The following FRZB variants were observed in gnomAD, a reference collection of about 807,000 sequenced individuals.
The protein encoded by FRZB is secreted frizzled-related protein 3.
Under a neutral mutation model 32.5 loss-of-function variants are expected in FRZB, and 34 were observed. That is an observed-to-expected ratio of 1.05 (90% CI 0.80 to 1.39). The LOEUF (loss-of-function observed/expected upper bound fraction) is 1.39. Ranked by LOEUF, FRZB falls within the 40% of genes most tolerant of loss-of-function variation. FRZB has a pLI of 0.00. For missense variants in FRZB, 423 were observed against 424.8 expected, an observed-to-expected ratio of 1.00 and a Z score of 0.04; for synonymous variants, 170 against 159.2, an observed-to-expected ratio of 1.07 and a Z score of -0.51.
In FRZB at chr2:182,862,436, T is replaced by G. The variant is rs576304994; in HGVS notation, c.479-3603A>C. On this transcript the variant is annotated intron_variant, in intron 1 of 5. Coordinates refer to ENST00000295113, the MANE Select transcript of FRZB (RefSeq NM_001463.4). ...CCTCCACCAGACTCATTCTTTTTTC[T>G]GTCGCTCCCAAGGGGATCTGCTCTT... is the stretch of plus-strand genomic sequence containing the variant. Among the ~76,000 whole-genome samples, 6 of 152,372 alleles carry G rather than the reference T, an allele frequency of 3.9e-5. 1 individual carries two copies. Among genetic ancestry groups the G allele is most frequent in the African/African-American group, 1.4e-4 (6 of 41,598 alleles).
At chr2:182,843,702 A>G (rs1470116358) in intron 2 of FRZB, among the ~76,000 whole-genome samples, 1 of 151,902 alleles carries the variant, frequency 6.6e-6, no homozygotes, top group Non-Finnish European at 1.5e-5. Context: ...ATGGTGGGGG[A>G]AAAAAAATTG....
At chr2:182,842,685 T>C (rs1420388458) in intron 2 of FRZB, 142 bp from the exon 3 acceptor site, 62 of 611,930 alleles carry the variant, frequency 1.0e-4, no homozygotes, top group Non-Finnish European at 2.3e-5. Flanking sequence ...GAATTTTTTC[T>C]CCTGGAACTA....
chr2:182,862,328 G>A (rs1294038077), intron 1 of FRZB, among the ~76,000 whole-genome samples: 2 of 152,206 alleles, frequency 1.3e-5, no homozygotes, highest in Non-Finnish European at 2.9e-5. Flanking sequence ...AGGTGTTGTG[G>A]AAATAGCTGT....
At chr2:182,839,048 T>C (rs1178914585) in intron 3 of FRZB, among the ~76,000 whole-genome samples, 1 of 152,134 alleles carries the variant, frequency 6.6e-6, no homozygotes, top group Non-Finnish European at 1.5e-5. Context: ...TACTTAAATA[T>C]GCTTTATTCC....
chr2:182,835,603 T>G (rs1695515989), intron 5 of FRZB, among the ~76,000 whole-genome samples: 1 of 152,108 alleles, frequency 6.6e-6, no homozygotes, highest in Admixed American at 6.6e-5. Context: ...ATTAACAATG[T>G]CAATAATATT....
chr2:182,850,818 C>T (rs1463421480), intron 2 of FRZB, among the ~76,000 whole-genome samples: 1 of 152,108 alleles, frequency 6.6e-6, no homozygotes, highest in African/African-American at 2.4e-5. Flanking sequence ...TCCTTAGTGG[C>T]TATACTAATT....
In FRZB at chr2:182,845,360, G is replaced by A. The variant is rs1695628605; in HGVS notation, c.527-2817C>T. Among the ~76,000 whole-genome samples, 4 of 152,184 alleles carry A rather than the reference G, an allele frequency of 2.6e-5. No homozygotes were observed. The South Asian group carries it at 8.3e-4, about 32-fold the overall frequency. On this transcript the variant is annotated intron_variant, in intron 2 of 5. Transcript: ENST00000295113. ...TGATACTCTTTTTGGGGGGCCTGTA[G>A]CATTACCATCATTTCTTGTTTAATT... is the stretch of plus-strand genomic sequence containing the variant.
chr2:182,841,568 A>T (rs940431652), intron 3 of FRZB, among the ~76,000 whole-genome samples: 2 of 152,144 alleles, frequency 1.3e-5, no homozygotes, highest in Non-Finnish European at 2.9e-5. Flanking sequence ...TTTTATTAAT[A>T]CCATAGATAT....
intron 1 of FRZB, among the ~76,000 whole-genome samples, chr2:182,864,606 T>C (rs1198248847): frequency 6.6e-6 from 1 of 152,252 alleles, no homozygotes; most frequent in East Asian, 1.9e-4. Context: ...AGGTCACCAT[T>C]AAAAAGTTCT....
intron 1 of FRZB, among the ~76,000 whole-genome samples, chr2:182,860,576 C>T (rs1279853710): frequency 6.6e-6 from 1 of 152,026 alleles, no homozygotes; most frequent in Non-Finnish European, 1.5e-5. Flanking sequence ...AGAATCAAGA[C>T]TGCTTCCCAC....
chr2:182,865,911 G>GC (rs967053380), intron 1 of FRZB, among the ~76,000 whole-genome samples, 164 bp downstream of exon 1: 24 of 151,978 alleles, frequency 1.6e-4, no homozygotes, highest in Admixed American at 7.9e-4. Flanking sequence ...TTTTGTTTTT[G>GC]AAAAAAGAAG....
At position 182,866,437 on chromosome 2, in the gene FRZB, C is replaced by T; in HGVS notation, c.116G>A (p.Arg39His). Residue 39 changes from arginine to histidine, a missense_variant, in exon 1 of 6, where the codon CGC (arginine) becomes CAC (histidine). Physicochemically the swap from Arg to His is conservative, Grantham distance 29 (BLOSUM62 0). Coordinates refer to ENST00000295113, the MANE Select transcript of FRZB (RefSeq NM_001463.4). This position sits in a 1 kb window ranked among gnomAD's most constrained non-coding sequence, Gnocchi z 4.5. ...GARAAACEPVRIPLCKSLPWN... is the reference protein window; with the variant it reads ...GARAAACEPVHIPLCKSLPWN... Reference sequence around the variant, plus strand: ...GGGCAGGGACTTGCACAGGGGGATGCGGACGGGCTCACAGGCTGCAGCCCG... The same window carrying T: ...GGGCAGGGACTTGCACAGGGGGATGTGGACGGGCTCACAGGCTGCAGCCCG... 2 of 1,591,194 alleles carry T rather than the reference C, an allele frequency of 1.3e-6. No homozygotes were observed. Among genetic ancestry groups the T allele is most frequent in the Non-Finnish European group, 1.7e-6 (2 of 1,166,954 alleles).
At chr2:182,863,961 A>G (rs1695861888) in intron 1 of FRZB, among the ~76,000 whole-genome samples, 1 of 152,176 alleles carries the variant, frequency 6.6e-6, no homozygotes, top group South Asian at 2.1e-4. Flanking sequence ...ACTGAAGCTT[A>G]TGGAAGGGAG....
intron 1 of FRZB, among the ~76,000 whole-genome samples, chr2:182,861,221 G>A (rs1276804723): frequency 6.6e-6 from 1 of 152,230 alleles, no homozygotes; most frequent in Non-Finnish European, 1.5e-5. Flanking sequence ...TCTCTAGAAA[G>A]TTAGGAATTA....
chr2:182,839,398 C>T (rs1393975897), intron 3 of FRZB, among the ~76,000 whole-genome samples: 1 of 152,004 alleles, frequency 6.6e-6, no homozygotes, highest in Admixed American at 6.6e-5. Flanking sequence ...GATCTTATTT[C>T]CTCCATCTGC....
intron 2 of FRZB, among the ~76,000 whole-genome samples, chr2:182,845,562 G>GA (rs35926697): frequency 1.1e-4 from 16 of 150,470 alleles, no homozygotes; most frequent in East Asian, 1.9e-4. Flanking sequence ...TTTATGTAAG[G>GA]AAAAAAAAAT....
At chr2:182,862,201 A>G (rs10803961) in intron 1 of FRZB, among the ~76,000 whole-genome samples, 100,326 of 152,108 alleles carry the variant, frequency 0.66, 33,577 homozygotes, top group African/African-American at 0.7. Context: ...GCTCATGCCA[A>G]GAGAGAGAAG....
chr2:182,842,510 T>C lies in FRZB; in HGVS notation c.560A>G (p.Gln187Arg). ...RCKCKPIRAT[Q>R]KTYFRNNYNY... ...GTAATTGTTCCGGAAATAGGTCTTCTGTGTAGCTCTAATAGGCTTACATTT... is the reference window on the plus strand; with the variant it reads ...GTAATTGTTCCGGAAATAGGTCTTCCGTGTAGCTCTAATAGGCTTACATTT... Residue 187 changes from glutamine to arginine, a missense_variant, in exon 3 of 6, where the codon CAG (glutamine) becomes CGG (arginine). Coordinates refer to ENST00000295113, the MANE Select transcript of FRZB (RefSeq NM_001463.4). 1 of 1,613,126 alleles carries C rather than the reference T, an allele frequency of 6.2e-7. No homozygotes were observed. The highest frequency in any genetic ancestry group is 8.5e-7 in the Non-Finnish European group (1 of 1,179,216).
intron 2 of FRZB, among the ~76,000 whole-genome samples, chr2:182,857,572 G>T (rs1450631290): frequency 6.7e-6 from 1 of 149,438 alleles, no homozygotes; most frequent in Non-Finnish European, 1.5e-5. Context: ...AGCTGAGATT[G>T]CATCACGGCA....
Sources: allele counts gnomAD v4.1 joint callset (sites outside exome capture counted in the v4.1 genomes callset), GRCh38; gene constraint gnomAD v4.1.1; non-coding constraint Gnocchi (gnomAD v3.1); transcripts MANE v1.5; gene names NCBI Gene and HGNC (gene_info 2026-07-23, HGNC 2026-07-21).